The following SLC6A13 variants were observed in gnomAD, a reference collection of about 807,000 sequenced individuals.
SLC6A13 encodes sodium- and chloride-dependent GABA transporter 2.
Under a neutral mutation model 72.9 loss-of-function variants are expected in SLC6A13, and 69 were observed. The observed-to-expected ratio is 0.95, with a 90% confidence interval of 0.78 to 1.16. The LOEUF (loss-of-function observed/expected upper bound fraction) is 1.16. Among genes scored for constraint, SLC6A13 ranks in the 50% most tolerant of loss-of-function variants. SLC6A13 has a pLI of 0.00. For missense variants in SLC6A13, 735 were observed against 760.5 expected (o/e 0.97, Z 0.39); for synonymous variants, 303 against 303.0 (o/e 1.00, Z 0.00).
chr12:226,562 G>A, intron 8 of SLC6A13, 48 bp from the exon 9 acceptor site: 1 of 1,587,676 alleles, frequency 6.3e-7, no homozygotes, highest in African/African-American at 1.3e-5. Flanking sequence ...GTCAGAACAG[G>A]GCTGCAACCT....
chr12:221,683 C>T, intron 13 of SLC6A13, 137 bp from the exon 14 acceptor site: 1 of 605,242 alleles, frequency 1.7e-6, no homozygotes, highest in Non-Finnish European at 2.9e-6. Flanking sequence ...AATCAGCCTC[C>T]AATCTTCTCC....
chr12:256,123 C>T (rs10848644), intron 2 of SLC6A13, among the ~76,000 whole-genome samples: 58,432 of 151,986 alleles, frequency 0.38, 14,455 homozygotes, highest in Non-Finnish European at 0.56. Flanking sequence ...CTCATTAATT[C>T]TGGAATGCTA....
rs200832462 is a variant in SLC6A13, at chr12:221,526, C to G, written c.1536G>C (p.Leu512=). ...AVCTATFLFS[L]IKYTPLTYNK... The stretch of plus-strand genomic sequence containing the variant: ...TGTAGGTCAGCGGAGTGTACTTTAT[C>G]AGGGAGAAGAGAAAGGTGGCCTGAG... Residue 512 remains leucine, a synonymous_variant, in exon 14 of 15, where the codon CTG becomes CTC. Coordinates refer to ENST00000343164, the MANE Select transcript of SLC6A13 (RefSeq NM_016615.5). 3 of 1,595,176 alleles carry G rather than the reference C, an allele frequency of 1.9e-6. No individual in the cohort carries two copies. Among genetic ancestry groups the G allele is most frequent in the Non-Finnish European group, 2.6e-6 (3 of 1,169,142 alleles).
chr12:225,991 C>G (rs770303914), intron 9 of SLC6A13, among the ~76,000 whole-genome samples: 8 of 151,996 alleles, frequency 5.3e-5, no homozygotes, highest in Non-Finnish European at 8.8e-5. Flanking sequence ...AGGCCAGGTG[C>G]GGAAGAGTGT....
intron 7 of SLC6A13, among the ~76,000 whole-genome samples, chr12:228,929 G>T (rs1317700263): frequency 2.0e-5 from 3 of 152,192 alleles, no homozygotes; most frequent in Admixed American, 2.0e-4. Context: ...CTGTCCTATG[G>T]CCCCTGCATC....
At chr12:226,797 C>G (rs899405525) in intron 8 of SLC6A13, 1 of 292,542 alleles carries the variant, frequency 3.4e-6, no homozygotes, top group Admixed American at 4.7e-5. Flanking sequence ...TGTGACAAAC[C>G]GCCACACAGC....
chr12:252,749 T>C (rs1942596451), intron 2 of SLC6A13, among the ~76,000 whole-genome samples: 1 of 152,250 alleles, frequency 6.6e-6, no homozygotes, highest in African/African-American at 2.4e-5. Context: ...GAAACAGCTA[T>C]GGGCCCAGCC....
intron 11 of SLC6A13, among the ~76,000 whole-genome samples, chr12:223,505 C>T (rs372685053): frequency 1.1e-4 from 16 of 152,086 alleles, no homozygotes; most frequent in South Asian, 4.1e-4. Flanking sequence ...GCACTGGCCA[C>T]GAAGCCCAAG....
intron 7 of SLC6A13, among the ~76,000 whole-genome samples, chr12:228,679 C>A (rs1469373189): frequency 5.9e-5 from 9 of 152,182 alleles, no homozygotes; most frequent in Admixed American, 5.2e-4. Context: ...ATGGTCACCA[C>A]CCTCAGCCCC....
chr12:258,812 T>C (rs1038138488), intron 2 of SLC6A13, among the ~76,000 whole-genome samples: 3 of 152,208 alleles, frequency 2.0e-5, no homozygotes, highest in Non-Finnish European at 4.4e-5. Context: ...AGTAAAGAGC[T>C]GGAGGTCATG....
At chr12:257,795 C>T (rs1161538279) in intron 2 of SLC6A13, among the ~76,000 whole-genome samples, 2 of 152,216 alleles carry the variant, frequency 1.3e-5, no homozygotes, top group African/African-American at 2.4e-5. Context: ...CCTCCACTTT[C>T]CCCTGTCAGC....
At chr12:255,313 C>T (rs11062163) in intron 2 of SLC6A13, among the ~76,000 whole-genome samples, 21,077 of 152,192 alleles carry the variant, frequency 0.14, 1,764 homozygotes, top group East Asian at 0.37. Flanking sequence ...AGGATGACTC[C>T]AAGATTTTTG....
intron 2 of SLC6A13, among the ~76,000 whole-genome samples, chr12:250,870 G>A (rs1942513578): frequency 6.8e-6 from 1 of 147,128 alleles, no homozygotes. Flanking sequence ...ACAGGGCCTG[G>A]CGCAGTGGCT....
chr12:261,542 C>T (rs1483210062), intron 1 of SLC6A13, among the ~76,000 whole-genome samples: 1 of 152,202 alleles, frequency 6.6e-6, no homozygotes, highest in Non-Finnish European at 1.5e-5. Flanking sequence ...TTTTTCTAAG[C>T]CTCAAGCAAA....
In SLC6A13 at chr12:234,501, TTTTATTTTATTTTATTTC is replaced by T. The variant is rs1218189025; in HGVS notation, c.831+571_831+588del. Among the ~76,000 whole-genome samples the T allele has an allele frequency of 2.1e-4, 32 of 152,246 alleles. No homozygotes were observed. In the East Asian group the frequency reaches 6.0e-3, roughly 29 times the overall value. On this transcript the variant is annotated intron_variant, in intron 7 of 14. Transcript: ENST00000343164. ...TTTCATTTTATTTTATTTTATTTCA[TTTTATTTTATTTTATTTC>T]ATTTTATTTTATTTTAGAGACAGAG... is the stretch of plus-strand genomic sequence containing the variant.
At chr12:239,710 T>C (rs10774020) in intron 4 of SLC6A13, among the ~76,000 whole-genome samples, 87,313 of 151,992 alleles carry the variant, frequency 0.57, 26,167 homozygotes, top group Non-Finnish European at 0.66. Flanking sequence ...ACCATATTTC[T>C]GGTGCTCAGA....
In SLC6A13 at chr12:241,548, C is replaced by T. The variant is rs570338295; in HGVS notation, c.478+1066G>A. 2.0e-5 allele frequency among the ~76,000 whole-genome samples: 3 copies of T among 152,360 alleles called. No homozygotes were observed. In the South Asian group the frequency reaches 6.2e-4, roughly 32 times the overall value. ...AAATGTTAAAGTTCTGTTCCTCAGA[C>T]CACTTGCCACATTTCAGGTGCTCAA... is the stretch of plus-strand genomic sequence containing the variant. On this transcript the variant is annotated intron_variant, in intron 4 of 14. Coordinates refer to ENST00000343164, the MANE Select transcript of SLC6A13 (RefSeq NM_016615.5).
chr12:255,791 A>G lies in SLC6A13; in HGVS notation c.202+4060T>C, dbSNP rs145212671. 2.9e-3 allele frequency among the ~76,000 whole-genome samples: 449 copies of G among 152,238 alleles called. 2 individuals carry two copies. The highest frequency in any genetic ancestry group is 0.01 in the African/African-American group (431 of 41,542). ...AAAAGCTGAAGTCTGAGAGTGGCCAACCTGACATACCTGATCTGCCCCTCT... is the reference window on the plus strand; with the variant it reads ...AAAAGCTGAAGTCTGAGAGTGGCCAGCCTGACATACCTGATCTGCCCCTCT... On this transcript the variant is annotated intron_variant, in intron 2 of 14. Transcript: ENST00000343164.
chr12:241,836 G>A (rs1412269327), intron 4 of SLC6A13, among the ~76,000 whole-genome samples: 1 of 152,238 alleles, frequency 6.6e-6, no homozygotes, highest in Non-Finnish European at 1.5e-5. Context: ...AGAAATTGCA[G>A]ATATGCAGCA....
Sources: gnomAD v4.1 joint callset for allele counts (sites outside exome capture counted in the v4.1 genomes callset) on GRCh38, gnomAD v4.1.1 for gene constraint, MANE v1.5 for transcripts, NCBI Gene and HGNC (gene_info 2026-07-23, HGNC 2026-07-21) for gene names.